Variants in ALOX12B observed in about 807,000 individuals in gnomAD.
The protein encoded by ALOX12B is arachidonate 12-lipoxygenase, 12R-type.
In ALOX12B, 47 loss-of-function variants were observed where a neutral mutation model predicts 78.9. The ratio of observed to expected loss-of-function variants is 0.60; its 90% confidence interval spans 0.47 to 0.76. ALOX12B has a LOEUF of 0.76. Ranked by LOEUF, ALOX12B falls within the 30% of genes least tolerant of loss-of-function variation. The pLI, the probability that ALOX12B is intolerant of heterozygous loss-of-function variation, is 0.00. For synonymous variants in ALOX12B, 370 were observed against 374.5 expected, an observed-to-expected ratio of 0.99 and a Z score of 0.14; for missense variants, 805 against 922.6, an observed-to-expected ratio of 0.87 and a Z score of 1.65.
Position 8,087,680 on chromosome 17 carries a change from G to T in ALOX12B, c.-238C>A. 1.6e-6 allele frequency: 1 copy of T among 612,446 alleles called. No individual in the cohort carries two copies. The highest frequency in any genetic ancestry group is 2.9e-6 in the Non-Finnish European group (1 of 350,710). 37.9% of individuals were successfully genotyped at this position (612,446 alleles called of 1,614,324 possible). A position where few individuals can be genotyped will look rare whatever the true frequency, so the allele number is the denominator to read the frequency against. On this transcript the variant is annotated 5_prime_UTR_variant, in exon 1 of 15. Transcript: ENST00000647874. ...GGCAGGCCCAGGCGGAGCCCAGCTG[G>T]TGGTGAGTGAGCAGGTGTCTGGGCT...
In ALOX12B at chr17:8,079,981, C is replaced by T; in HGVS notation, c.755-40G>A. On this transcript the variant is annotated intron_variant, in intron 6 of 14. Coordinates refer to ENST00000647874, the MANE Select transcript of ALOX12B (RefSeq NM_001139.3). The surrounding 1 kb of genome is among the most constrained non-coding windows in gnomAD (Gnocchi z 6.4). ...CGAGGGCGTCACAAGGAGGCCCGGCCCCCCTCGGGGACGGAGAGGCATGGG... is the reference window on the plus strand; with the variant it reads ...CGAGGGCGTCACAAGGAGGCCCGGCTCCCCTCGGGGACGGAGAGGCATGGG... 1 of 1,597,038 alleles carries T rather than the reference C, an allele frequency of 6.3e-7. No individual in the cohort carries two copies. Among genetic ancestry groups the T allele is most frequent in the Non-Finnish European group, 8.5e-7 (1 of 1,171,920 alleles).
intron 12 of ALOX12B, among the ~76,000 whole-genome samples, 193 bp from the exon 13 acceptor site, chr17:8,073,950 G>A (rs1338757369): frequency 6.6e-6 from 1 of 152,146 alleles, no homozygotes; most frequent in African/African-American, 2.4e-5. Flanking sequence ...ATAAGGCTGG[G>A]GACGGAGGAC....
At position 8,079,637 on chromosome 17, in the gene ALOX12B, G is replaced by T; in HGVS notation, c.928-98C>A. On this transcript the variant is annotated intron_variant, in intron 7 of 14. Coordinates refer to ENST00000647874, the MANE Select transcript of ALOX12B (RefSeq NM_001139.3). This position sits in a 1 kb window ranked among gnomAD's most constrained non-coding sequence, Gnocchi z 6.4. Reference sequence around the variant, plus strand: ...AGGGCGCTGGCGACTAGGGGCAGGGGTGGGACGGGGACAGGGACGCGGGGT... The same window carrying T: ...AGGGCGCTGGCGACTAGGGGCAGGGTTGGGACGGGGACAGGGACGCGGGGT... The T allele has an allele frequency of 6.5e-7, 1 of 1,532,902 alleles. No homozygotes were observed. The allele number at this position is 1,532,902 out of a possible 1,614,324, so 95.0% of individuals were successfully genotyped here.
rs759484732 is a variant in ALOX12B, at chr17:8,077,108, C to T, written c.1157G>A (p.Arg386His). 17 of 1,613,976 alleles carry T rather than the reference C, an allele frequency of 1.1e-5. No individual in the cohort carries two copies. Among genetic ancestry groups the T allele is most frequent in the Non-Finnish European group, 1.4e-5 (17 of 1,180,008 alleles). ...WDWLLAKTWV[R>H]YAEFYSHEAI... ...CTCGTGGCTGTAGAACTCCGCATAG[C>T]GTACCCACGTCTTGGCTAGCAGCCA... Residue 386 changes from arginine (R) to histidine (H), a missense_variant, in exon 9 of 15, where the codon CGC becomes CAC. Transcript: ENST00000647874.
Position 8,080,108 on chromosome 17 carries a change from A to T in ALOX12B, c.754+127T>A, listed in dbSNP as rs1440636023. 4 of 1,474,130 alleles carry T rather than the reference A, an allele frequency of 2.7e-6. No individual in the cohort carries two copies. In the South Asian group the frequency reaches 4.6e-5, roughly 17 times the overall value. 91.3% of individuals were successfully genotyped at this position (1,474,130 alleles called of 1,614,324 possible). On this transcript the variant is annotated intron_variant, in intron 6 of 14. Transcript: ENST00000647874. This position sits in a 1 kb window ranked among gnomAD's most constrained non-coding sequence, Gnocchi z 4.8. The stretch of plus-strand genomic sequence containing the variant: ...GAGCCCGGTGCGACATTTTCCAAGA[A>T]GCCGCCAGAGGGCGCGCGCGCGCCT...
At chr17:8,081,340 C>T in intron 2 of ALOX12B, 153 bp from the exon 3 acceptor site, 1 of 740,620 alleles carries the variant, frequency 1.4e-6, no homozygotes, top group East Asian at 2.7e-5. Context: ...AAGGTGCGTC[C>T]TGTCCGGAAA....
chr17:8,087,576 A>T lies in ALOX12B; in HGVS notation c.-134T>A. 6.9e-7 allele frequency: 1 copy of T among 1,439,928 alleles called. No individual in the cohort carries two copies. Among genetic ancestry groups the T allele is most frequent in the Non-Finnish European group, 9.5e-7 (1 of 1,050,348 alleles). 89.2% of individuals were successfully genotyped at this position (1,439,928 alleles called of 1,614,324 possible). A position where few individuals can be genotyped will look rare whatever the true frequency, so the allele number is the denominator to read the frequency against. On this transcript the variant is annotated 5_prime_UTR_variant, in exon 1 of 15. Coordinates refer to ENST00000647874, the MANE Select transcript of ALOX12B (RefSeq NM_001139.3). The stretch of plus-strand genomic sequence containing the variant: ...GGCTGGCCTCCGAGGTGCAGTGGTG[A>T]GGTGGCGAGGTGGGGTGACTAGGCC...
At chr17:8,085,947 A>G (rs1256202236) in intron 2 of ALOX12B, 69 bp downstream of exon 2, 11 of 1,577,994 alleles carry the variant, frequency 7.0e-6, no homozygotes, top group Non-Finnish European at 9.6e-6. Flanking sequence ...CCTGGGTGCC[A>G]TGCCAGGGTA....
chr17:8,079,692 C>A lies in ALOX12B; in HGVS notation c.927+77G>T. 2 of 1,553,866 alleles carry A rather than the reference C, an allele frequency of 1.3e-6. No homozygotes were observed. Among genetic ancestry groups the A allele is most frequent in the Non-Finnish European group, 1.7e-6 (2 of 1,149,452 alleles). ...GCTTGCCTGGGACTGGCGCGGGCGC[C>A]GGAGGTGGGGAGAGACGGGGATGCC... On this transcript the variant is annotated intron_variant, in intron 7 of 14. Transcript: ENST00000647874. The surrounding 1 kb of genome is among the most constrained non-coding windows in gnomAD (Gnocchi z 6.4).
chr17:8,081,221 G>A (rs1567983740), intron 2 of ALOX12B, 34 bp from the exon 3 acceptor site: 1 of 1,600,944 alleles, frequency 6.2e-7, no homozygotes, highest in East Asian at 2.2e-5. Context: ...CTCAAGGGCT[G>A]ACCCTTGCCC....
In ALOX12B at chr17:8,086,019, T is replaced by C. The variant is rs1978295805; in HGVS notation, c.349A>G (p.Thr117Ala). ...GAGCAGGGTGATGAGGGCTTACCTG[T>C]GGCCTCCCGGAGTGCCAGGGTCTCG... The part of the protein sequence containing the change: ...GYETLALREA[T>A]GKTTADDSLP... Residue 117 changes from threonine (T) to alanine (A), a missense_variant, in exon 2 of 15, where the codon ACA (threonine) becomes GCA (alanine). Physicochemically the swap from Thr to Ala is moderately conservative, Grantham distance 58. Transcript: ENST00000647874. 6 of 1,613,994 alleles carry C rather than the reference T, an allele frequency of 3.7e-6. No individual in the cohort carries two copies. Among genetic ancestry groups the C allele is most frequent in the African/African-American group, 1.3e-5 (1 of 74,922 alleles).
In ALOX12B at chr17:8,073,129, C is replaced by A. The variant is rs74791449; in HGVS notation, c.1926+19G>T. 3.6e-4 allele frequency: 580 copies of A among 1,613,878 alleles called. 4 individuals carry two copies. In the African/African-American group the frequency reaches 7.2e-3, roughly 20 times the overall value. On this transcript the variant is annotated intron_variant, in intron 14 of 14. Transcript: ENST00000647874. ...CTGGTCCCCTCCCTGTGCTCAGAGT[C>A]CCCCATCCCGTCTCGCACCCTGTCG...
chr17:8,086,184 C>T lies in ALOX12B; in HGVS notation c.184G>A (p.Gly62Ser). The T allele has an allele frequency of 6.2e-7, 1 of 1,614,074 alleles. No homozygotes were observed. The highest frequency in any genetic ancestry group is 8.5e-7 in the Non-Finnish European group (1 of 1,179,988). Reference protein sequence around the residue: ...QYTVQCPQDLGELIIIRLHKE... With the variant: ...QYTVQCPQDLSELIIIRLHKE... Reference sequence around the variant, plus strand: ...TGCAGGCGGATGATGATGAGCTCACCCAGGTCCTGAGGGCACTGCACGGTG... The same window carrying T: ...TGCAGGCGGATGATGATGAGCTCACTCAGGTCCTGAGGGCACTGCACGGTG... The change falls in exon 2 of 15, where the codon GGT (glycine) becomes AGT (serine). Residue 62 changes from glycine to serine, a missense_variant. Gly to Ser is a moderately conservative substitution (Grantham distance 56). Coordinates refer to ENST00000647874, the MANE Select transcript of ALOX12B (RefSeq NM_001139.3).
At chr17:8,074,220 A>G (rs532766211) in intron 12 of ALOX12B, among the ~76,000 whole-genome samples, 1 of 151,828 alleles carries the variant, frequency 6.6e-6, no homozygotes, top group South Asian at 2.1e-4. Flanking sequence ...CTTCCCTACC[A>G]AGCTGCTGGC....
At chr17:8,082,088 A>C (rs547807979) in intron 2 of ALOX12B, among the ~76,000 whole-genome samples, 65 of 152,158 alleles carry the variant, frequency 4.3e-4, no homozygotes, top group Non-Finnish European at 5.1e-4. Context: ...TTCATGACTG[A>C]ATAGTATTCC....
At position 8,079,033 on chromosome 17, in the gene ALOX12B, G is replaced by A. The variant is rs2151822681; in HGVS notation, c.1071+363C>T. ...CTGCCTCAGCCTCCCGAGTAGCTGG[G>A]ACTACAGGCGCCCGCCACCACGCCC... On this transcript the variant is annotated intron_variant, in intron 8 of 14. Transcript: ENST00000647874. This position sits in a 1 kb window ranked among gnomAD's most constrained non-coding sequence, Gnocchi z 6.4. 6.6e-6 allele frequency among the ~76,000 whole-genome samples: 1 copy of A among 152,136 alleles called. No individual in the cohort carries two copies. The highest frequency in any genetic ancestry group is 1.9e-4 in the East Asian group (1 of 5,154).
chr17:8,081,004 C>G (rs1157384308), intron 3 of ALOX12B, 28 bp from the exon 4 acceptor site: 1 of 1,613,684 alleles, frequency 6.2e-7, no homozygotes, highest in Admixed American at 1.7e-5. Context: ...ATGTCACCCT[C>G]ATGCCCGTGC....
In ALOX12B at chr17:8,087,443, G is replaced by GGCTGCT. The variant is rs761887010; in HGVS notation, c.-7_-2dup. On this transcript the variant is annotated 5_prime_UTR_variant, in exon 1 of 15. Transcript: ENST00000647874. ...CCACCCTGACTTTGTAGGTGGCCAT[G>GGCTGCT]GCTGCTCTTCAGGAGGCAAGAGGGG... 3 of 1,614,216 alleles carry GGCTGCT rather than the reference G, an allele frequency of 1.9e-6. No homozygotes were observed. The highest frequency in any genetic ancestry group is 2.5e-6 in the Non-Finnish European group (3 of 1,180,038).
Position 8,080,366 on chromosome 17 carries a change from C to T in ALOX12B, c.651-28G>A, listed in dbSNP as rs1977187893. On this transcript the variant is annotated intron_variant, in intron 5 of 14. Coordinates refer to ENST00000647874, the MANE Select transcript of ALOX12B (RefSeq NM_001139.3). The surrounding 1 kb of genome is among the most constrained non-coding windows in gnomAD (Gnocchi z 4.8). Reference sequence around the variant, plus strand: ...AGGAGATGGGATTCCAGGAAGAGGCCTTCAGAGGGGCTGCCAAGCGCCGGC... The same window carrying T: ...AGGAGATGGGATTCCAGGAAGAGGCTTTCAGAGGGGCTGCCAAGCGCCGGC... The T allele has an allele frequency of 1.9e-6, 3 of 1,612,158 alleles. No individual in the cohort carries two copies. The highest frequency in any genetic ancestry group is 2.5e-6 in the Non-Finnish European group (3 of 1,178,268).
Sources: gnomAD v4.1 joint callset for allele counts (sites outside exome capture counted in the v4.1 genomes callset) on GRCh38, gnomAD v4.1.1 for gene constraint, Gnocchi (gnomAD v3.1) non-coding constraint, MANE v1.5 for transcripts, NCBI Gene and HGNC (gene_info 2026-07-23, HGNC 2026-07-21) for gene names.